The following TACC2 variants were observed in gnomAD, a reference collection of about 807,000 sequenced individuals.
TACC2 encodes transforming acidic coiled-coil-containing protein 2.
TACC2 carries 137 observed loss-of-function variants against 227.3 expected under a neutral mutation model. The observed-to-expected ratio is 0.60, with a 90% CI of 0.52 to 0.69. The LOEUF (loss-of-function observed/expected upper bound fraction) is 0.69. Among genes scored for constraint, TACC2 ranks in the 30% least tolerant of loss-of-function variants. The probability of loss-of-function intolerance (pLI) is 0.00; values close to 1 mark genes in which losing one functional copy is unlikely to be tolerated. For missense variants in TACC2, 3,470 were observed against 3,694.4 expected (o/e 0.94, Z 1.57); for synonymous variants, 1,523 against 1,487.5 (o/e 1.02, Z -0.55).
At position 122,075,284 on chromosome 10, in the gene TACC2, C is replaced by T. The variant is rs148498822; in HGVS notation, c.147-7363C>T. Reference sequence around the variant, plus strand: ...AAACCGGAATCCTCCTACCTACCCCCGAACCATCCTTCCCCACCAAGTCCC... The same window carrying T: ...AAACCGGAATCCTCCTACCTACCCCTGAACCATCCTTCCCCACCAAGTCCC... On this transcript the variant is annotated intron_variant, in intron 3 of 22. Coordinates refer to ENST00000369005, the MANE Select transcript of TACC2 (RefSeq NM_206862.4). Among the ~76,000 whole-genome samples the T allele has an allele frequency of 1.7e-3, 260 of 152,210 alleles. 1 individual carries two copies. Among genetic ancestry groups the T allele is most frequent in the African/African-American group, 5.9e-3 (246 of 41,526 alleles).
chr10:122,183,397 TGA>T (rs2094047737), intron 7 of TACC2, among the ~76,000 whole-genome samples: 1 of 152,064 alleles, frequency 6.6e-6, no homozygotes, highest in Non-Finnish European at 1.5e-5. Flanking sequence ...ATGTGAGTAA[TGA>T]GAGTAACAGA....
At chr10:122,149,345 A>G (rs988865299) in intron 7 of TACC2, among the ~76,000 whole-genome samples, 3 of 152,232 alleles carry the variant, frequency 2.0e-5, no homozygotes, top group African/African-American at 7.2e-5. Flanking sequence ...TGGGAGAAGC[A>G]GCTGAGCTTC....
intron 7 of TACC2, among the ~76,000 whole-genome samples, chr10:122,145,665 C>T (rs1007948767): frequency 6.6e-6 from 1 of 151,940 alleles, no homozygotes; most frequent in Non-Finnish European, 1.5e-5. Context: ...AGAACTTATC[C>T]AAGGGCTAGA....
At chr10:122,103,346 C>G (rs61874278) in intron 5 of TACC2, among the ~76,000 whole-genome samples, 3 of 152,152 alleles carry the variant, frequency 2.0e-5, no homozygotes, top group Non-Finnish European at 2.9e-5. Flanking sequence ...GGTGAGTTCA[C>G]CACTCAAAGC....
chr10:122,249,691 G>A, intron 22 of TACC2, 27 bp downstream of exon 22: 1 of 1,598,766 alleles, frequency 6.3e-7, no homozygotes, highest in Non-Finnish European at 8.5e-7. Flanking sequence ...GTGGCCTCCA[G>A]GTGGGCCGGG....
chr10:122,032,911 A>G (rs529490015), intron 2 of TACC2, among the ~76,000 whole-genome samples: 1 of 152,124 alleles, frequency 6.6e-6, no homozygotes, highest in Non-Finnish European at 1.5e-5. Flanking sequence ...GTGAGCTGAG[A>G]CTGCACCACT....
intron 2 of TACC2, among the ~76,000 whole-genome samples, chr10:122,032,145 C>T (rs145482579): frequency 1.3e-5 from 2 of 152,288 alleles, no homozygotes; most frequent in Admixed American, 6.5e-5. Flanking sequence ...TCAACAGGGC[C>T]AAGATGGGCC....
chr10:122,132,031 A>T (rs1003360334), intron 5 of TACC2, among the ~76,000 whole-genome samples: 1 of 31,894 alleles, frequency 3.1e-5, no homozygotes, highest in Non-Finnish European at 7.4e-5. Context: ...AAAAAGAAAG[A>T]AAAAGAAAGA....
chr10:121,989,365 A>G lies in TACC2; in HGVS notation c.-169A>G, dbSNP rs1216034397. 6.6e-6 allele frequency: 1 copy of G among 152,264 alleles called. No homozygotes were observed. The allele number at this position is 152,264 out of a possible 1,614,324, so 9.4% of individuals were successfully genotyped here. ...TTTTAAAAACTTTCACTCCTGCTCT[A>G]AAAGTTATCTTGGTTTCTTACTCTA... On this transcript the variant is annotated 5_prime_UTR_variant, in exon 1 of 23. Coordinates refer to ENST00000369005, the MANE Select transcript of TACC2 (RefSeq NM_206862.4).
intron 16 of TACC2, 138 bp from the exon 17 acceptor site, chr10:122,237,257 C>G: frequency 3.6e-6 from 3 of 842,162 alleles, no homozygotes; most frequent in Middle Eastern, 3.4e-4. Flanking sequence ...GTTCATCAGT[C>G]TTTGCACTTT....
Position 122,087,162 on chromosome 10 carries a change from G to A in TACC2, c.4662G>A (p.Gln1554=). ...QAYSQLERSR[Q]ELASGLPSPA... is the part of the protein sequence containing the mutation. ...ACTCACAGCTGGAGAGGAGCAGGCAGGAATTAGCTTCAGGTCTTCCTTCAC... is the reference window on the plus strand; with the variant it reads ...ACTCACAGCTGGAGAGGAGCAGGCAAGAATTAGCTTCAGGTCTTCCTTCAC... The change falls in exon 4 of 23, where the codon CAG becomes CAA. Residue 1554 remains glutamine (Q), a synonymous_variant. Coordinates refer to ENST00000369005, the MANE Select transcript of TACC2 (RefSeq NM_206862.4). 1 of 1,611,422 alleles carries A rather than the reference G, an allele frequency of 6.2e-7. No homozygotes were observed. The highest frequency in any genetic ancestry group is 2.2e-5 in the East Asian group (1 of 44,868).
At chr10:122,112,900 G>A (rs2083880397) in intron 5 of TACC2, 1 of 152,064 alleles carries the variant, frequency 6.6e-6, no homozygotes, top group South Asian at 2.1e-4. Context: ...TGGCCGGGGA[G>A]GAGAGCGCGG....
intron 5 of TACC2, among the ~76,000 whole-genome samples, chr10:122,130,616 C>G (rs2138761941): frequency 6.6e-6 from 1 of 152,258 alleles, no homozygotes; most frequent in South Asian, 2.1e-4. Context: ...TGGGACAAAG[C>G]CAAGTGTGGA....
intron 3 of TACC2, among the ~76,000 whole-genome samples, chr10:122,067,312 T>C (rs1382633519): frequency 6.6e-6 from 1 of 152,154 alleles, no homozygotes; most frequent in East Asian, 1.9e-4. Context: ...TGGGCAAAGA[T>C]TTCTAGGTAG....
chr10:122,182,255 T>C (rs572436287), intron 7 of TACC2, among the ~76,000 whole-genome samples: 12 of 152,230 alleles, frequency 7.9e-5, no homozygotes, highest in Non-Finnish European at 1.8e-4. Context: ...AATTTTTGGA[T>C]GCGTGAAATA....
rs1370782961 is a variant in TACC2 at position 122,237,471 on chromosome 10, A to G, written c.8204A>G (p.Glu2735Gly). The G allele has an allele frequency of 1.9e-6, 3 of 1,614,140 alleles. No individual in the cohort carries two copies. The Admixed American group carries it at 5.0e-5, about 27-fold the overall frequency. The change falls in exon 17 of 23, where the codon GAG becomes GGG. Residue 2735 changes from glutamate (E) to glycine (G), a missense_variant. Around this residue, in one of 10 missense-constraint regions of TACC2, gnomAD observed 345 missense variants for 354.4 expected, o/e 0.97. Coordinates refer to ENST00000369005, the MANE Select transcript of TACC2 (RefSeq NM_206862.4). ...LYSRIGTAEV[E>G]KPAGLLFQQP... ...TCCCGCATCGGGACCGCTGAGGTGG[A>G]GAAACCTGCAGGCCTTCTGTTCCAG... is the stretch of plus-strand genomic sequence containing the variant.
At chr10:122,057,654 T>TA (rs1486720973) in intron 3 of TACC2, among the ~76,000 whole-genome samples, 1 of 53,914 alleles carries the variant, frequency 1.9e-5, no homozygotes, top group Non-Finnish European at 4.7e-5. Context: ...AATAAAAAAT[T>TA]AAAAAATTAA....
chr10:122,024,133 C>T (rs919831792), intron 2 of TACC2, among the ~76,000 whole-genome samples: 2 of 152,046 alleles, frequency 1.3e-5, no homozygotes, highest in East Asian at 1.9e-4. Flanking sequence ...TTTGGGAGGC[C>T]GAGGCAGGAG....
chr10:122,152,614 T>C (rs2092154418), intron 7 of TACC2, among the ~76,000 whole-genome samples: 1 of 152,260 alleles, frequency 6.6e-6, no homozygotes, highest in African/African-American at 2.4e-5. Flanking sequence ...GCATCGTCCC[T>C]GCTTCATTTC....
Sources: gnomAD v4.1 joint callset for allele counts (sites outside exome capture counted in the v4.1 genomes callset) on GRCh38, gnomAD v4.1.1 for gene constraint, gnomAD v4.1.1 regional missense constraint, MANE v1.5 for transcripts, NCBI Gene and HGNC (gene_info 2026-07-23, HGNC 2026-07-21) for gene names.